The following PBX3 variants were observed in gnomAD, a reference collection of about 807,000 sequenced individuals.
PBX3 encodes PBX homeobox 3.
PBX3 carries 14 observed loss-of-function variants against 48.5 expected under a neutral mutation model. That is an observed-to-expected ratio of 0.29 (90% CI 0.19 to 0.45). The LOEUF (loss-of-function observed/expected upper bound fraction) is 0.45. Ranked by LOEUF, PBX3 falls within the 20% of genes least tolerant of loss-of-function variation. The pLI is 1.00. For synonymous variants in PBX3, 210 were observed against 200.3 expected (o/e 1.05, Z -0.41); for missense variants, 386 against 546.7 (o/e 0.71, Z 2.93).
chr9:125,782,881 A>G (rs1209155008), intron 2 of PBX3, among the ~76,000 whole-genome samples: 3 of 152,034 alleles, frequency 2.0e-5, no homozygotes, highest in African/African-American at 7.2e-5. Flanking sequence ...ATGTTGTCCC[A>G]TTGCTTTTTC....
At chr9:125,862,314 C>A (rs989877194) in intron 2 of PBX3, among the ~76,000 whole-genome samples, 59 of 152,164 alleles carry the variant, frequency 3.9e-4, no homozygotes, top group African/African-American at 1.4e-3. Context: ...AAATTTCTTA[C>A]ATATGGTAAG....
chr9:125,767,469 C>T (rs1836828847), intron 2 of PBX3, among the ~76,000 whole-genome samples: 1 of 152,112 alleles, frequency 6.6e-6, no homozygotes, highest in Non-Finnish European at 1.5e-5. Context: ...CTGTTCATAC[C>T]ACCATTCACA....
rs747582371 is a variant in PBX3 at position 125,747,665 on chromosome 9, C to A, written c.200+12C>A. ...GAGGCGCAAGCAAAGTTGGTGTCGT[C>A]TCATTAAGCATCTTTTGTGTGTGTG... On this transcript the variant is annotated intron_variant, in intron 1 of 8. Coordinates refer to ENST00000373489, the MANE Select transcript of PBX3 (RefSeq NM_006195.6). 6.3e-6 allele frequency: 10 copies of A among 1,577,812 alleles called. No homozygotes were observed. In the South Asian group the frequency reaches 1.0e-4, roughly 16 times the overall value.
rs753875955 is a variant in PBX3 at position 125,747,529 on chromosome 9, G to A, written c.76G>A (p.Ala26Thr). The change falls in exon 1 of 9, where the codon GCC becomes ACC. Residue 26 changes from alanine to threonine, a missense_variant. By Grantham distance (58) the Ala-to-Thr change is moderately conservative. Transcript: ENST00000373489. The part of the protein sequence containing the change: ...LAGHSVQGGM[A>T]LPPPPHGHEG... Reference sequence around the variant, plus strand: ...TGGCCACTCGGTGCAGGGGGGCATGGCCCTGCCGCCTCCCCCGCACGGCCA... The same window carrying A: ...TGGCCACTCGGTGCAGGGGGGCATGACCCTGCCGCCTCCCCCGCACGGCCA... 6.9e-6 allele frequency: 11 copies of A among 1,602,006 alleles called. No homozygotes were observed. Among genetic ancestry groups the A allele is most frequent in the Admixed American group, 1.7e-5 (1 of 59,040 alleles).
chr9:125,942,304 A>G (rs569676322), intron 5 of PBX3, among the ~76,000 whole-genome samples: 7 of 152,318 alleles, frequency 4.6e-5, no homozygotes, highest in African/African-American at 1.7e-4. Flanking sequence ...CAGGCTGCAG[A>G]GTGCTGGTTT....
chr9:125,777,615 C>T (rs1300538971), intron 2 of PBX3, among the ~76,000 whole-genome samples: 1 of 152,002 alleles, frequency 6.6e-6, no homozygotes, highest in Non-Finnish European at 1.5e-5. Flanking sequence ...CTGCCCGCCT[C>T]GGCCTCCCAA....
At chr9:125,912,237 G>A (rs1841220671) in intron 2 of PBX3, among the ~76,000 whole-genome samples, 2 of 152,088 alleles carry the variant, frequency 1.3e-5, no homozygotes, top group Admixed American at 6.6e-5. Flanking sequence ...CCCTTAATGA[G>A]CTGTTGAAAA....
intron 2 of PBX3, among the ~76,000 whole-genome samples, chr9:125,842,262 A>G (rs763183908): frequency 4.6e-5 from 7 of 152,150 alleles, no homozygotes; most frequent in South Asian, 2.1e-4. Context: ...TCACTTGACA[A>G]CTTTACTCAA....
chr9:125,886,173 A>G (rs1415644369), intron 2 of PBX3, among the ~76,000 whole-genome samples: 1 of 152,114 alleles, frequency 6.6e-6, no homozygotes, highest in South Asian at 2.1e-4. Context: ...TGTTTTTAAT[A>G]TTAAGTGTGA....
At chr9:125,825,808 G>A (rs1205499972) in intron 2 of PBX3, among the ~76,000 whole-genome samples, 1 of 152,136 alleles carries the variant, frequency 6.6e-6, no homozygotes, top group East Asian at 1.9e-4. Flanking sequence ...TTGCTAACAA[G>A]TGTCCATTTT....
chr9:125,922,451 A>G (rs1841477340), intron 3 of PBX3, among the ~76,000 whole-genome samples: 1 of 152,186 alleles, frequency 6.6e-6, no homozygotes, highest in Non-Finnish European at 1.5e-5. Context: ...AATTCAAGGC[A>G]TACTTTTATT....
At chr9:125,804,458 C>T (rs1333198135) in intron 2 of PBX3, among the ~76,000 whole-genome samples, 1 of 152,096 alleles carries the variant, frequency 6.6e-6, no homozygotes, top group Non-Finnish European at 1.5e-5. Context: ...CTGTACAAAA[C>T]CATTTTCTAG....
chr9:125,910,253 A>C (rs1380538939), intron 2 of PBX3, among the ~76,000 whole-genome samples: 2 of 152,122 alleles, frequency 1.3e-5, no homozygotes, highest in Admixed American at 6.6e-5. Context: ...ATAGAAATGG[A>C]CATATATGAT....
chr9:125,864,955 G>A (rs1839946284), intron 2 of PBX3, among the ~76,000 whole-genome samples: 1 of 152,210 alleles, frequency 6.6e-6, no homozygotes, highest in South Asian at 2.1e-4. Flanking sequence ...AGAAATAGGC[G>A]ACTTGTCTGT....
At chr9:125,889,063 T>G (rs1361604293) in intron 2 of PBX3, among the ~76,000 whole-genome samples, 2 of 152,236 alleles carry the variant, frequency 1.3e-5, no homozygotes, top group African/African-American at 2.4e-5. Context: ...AGTGACCACG[T>G]ATTACAATAA....
intron 2 of PBX3, among the ~76,000 whole-genome samples, chr9:125,870,281 C>A (rs546337691): frequency 1.3e-5 from 2 of 152,178 alleles, no homozygotes; most frequent in South Asian, 2.1e-4. Context: ...GTTGGCCAGG[C>A]TGGTCTCAAA....
intron 2 of PBX3, among the ~76,000 whole-genome samples, chr9:125,869,411 T>C (rs1840063410): frequency 6.6e-6 from 1 of 152,156 alleles, no homozygotes; most frequent in Non-Finnish European, 1.5e-5. Context: ...GGTATTCAAA[T>C]AGGTAGCTCG....
chr9:125,932,139 G>T lies in PBX3; in HGVS notation c.707+2294G>T, dbSNP rs1171771478. Among the ~76,000 whole-genome samples, 3 of 152,250 alleles carry T rather than the reference G, an allele frequency of 2.0e-5. No homozygotes were observed. In the South Asian group the frequency reaches 6.2e-4, roughly 32 times the overall value. On this transcript the variant is annotated intron_variant, in intron 4 of 8. Transcript: ENST00000373489. ...CTCCCACAACAAACTGTCTCTCTAA[G>T]CTGGTTACCAGTAATGAGTCATCAT...
intron 2 of PBX3, among the ~76,000 whole-genome samples, chr9:125,801,210 T>C (rs1837934061): frequency 6.6e-6 from 1 of 152,230 alleles, no homozygotes; most frequent in South Asian, 2.1e-4. Context: ...AACAATGAAA[T>C]ACCTTGCATA....
Sources: allele counts gnomAD v4.1 joint callset (sites outside exome capture counted in the v4.1 genomes callset), GRCh38; gene constraint gnomAD v4.1.1; transcripts MANE v1.5; gene names NCBI Gene and HGNC (gene_info 2026-07-23, HGNC 2026-07-21).